The following BBS12 variants were observed in gnomAD, a reference collection of about 807,000 sequenced individuals.
BBS12 encodes the protein Bardet-Biedl syndrome 12, also known as chaperonin-containing T-complex member BBS12.
A neutral mutation model predicts 5.6 loss-of-function variants in BBS12; 5 were observed. The observed-to-expected ratio is 0.89, with a 90% CI of 0.46 to 1.86. The LOEUF is 1.86. Ranked by LOEUF, BBS12 falls within the 40% of genes most tolerant of loss-of-function variation. The pLI, the probability that BBS12 is intolerant of heterozygous loss-of-function variation, is 0.01. For missense variants in BBS12, 748 were observed against 830.4 expected, an observed-to-expected ratio of 0.90 and a Z score of 1.22; for synonymous variants, 308 against 306.8, an observed-to-expected ratio of 1.00 and a Z score of -0.04.
At position 122,739,125 on chromosome 4, in the gene BBS12, G is replaced by C. The variant is rs999171290; in HGVS notation, c.-10-2758G>C. On this transcript the variant is annotated intron_variant, in intron 1 of 1. Transcript: ENST00000314218. Reference sequence around the variant, plus strand: ...CTAGAAGCTGGAGGAAGCAAGGAAGGATTCTTCCCTTGATCCTTCAGAAGG... The same window carrying C: ...CTAGAAGCTGGAGGAAGCAAGGAAGCATTCTTCCCTTGATCCTTCAGAAGG... Among the ~76,000 whole-genome samples the C allele has an allele frequency of 3.9e-5, 6 of 152,190 alleles. No individual in the cohort carries two copies. The East Asian group carries it at 1.2e-3, about 29-fold the overall frequency.
At chr4:122,707,750 A>G in the BBS12 span, among the ~76,000 whole-genome samples, 17 of 152,060 alleles carry the variant, frequency 1.1e-4, no homozygotes, top group Non-Finnish European at 2.1e-4. Context: ...TAGAAGGCCG[A>G]CTTCTCCTGT....
At chr4:122,710,832 G>A in the BBS12 span, among the ~76,000 whole-genome samples, 4 of 151,998 alleles carry the variant, frequency 2.6e-5, no homozygotes, top group African/African-American at 9.7e-5. Flanking sequence ...TCTTCTGCTA[G>A]GTCCTACAGT....
chr4:122,714,347 G>T, the BBS12 span, among the ~76,000 whole-genome samples: 1 of 152,052 alleles, frequency 6.6e-6, no homozygotes, highest in Admixed American at 6.6e-5. Flanking sequence ...CTCAGTCTAC[G>T]GTATTTGTAT....
intron 1 of BBS12, among the ~76,000 whole-genome samples, chr4:122,734,742 G>C (rs577038798): frequency 6.6e-6 from 1 of 152,108 alleles, no homozygotes; most frequent in Non-Finnish European, 1.5e-5. Flanking sequence ...CTATGATTTA[G>C]GCTTTTATAT....
the BBS12 span, among the ~76,000 whole-genome samples, chr4:122,716,743 GTGT>G: frequency 6.7e-6 from 1 of 149,072 alleles, no homozygotes; most frequent in African/African-American, 2.5e-5. Flanking sequence ...ACACGTGTGT[GTGT>G]ATATATATAA....
At chr4:122,729,996 T>C (rs1328416381), upstream of BBS12, 1 of 152,184 alleles carries the variant, frequency 6.6e-6, no homozygotes, top group Non-Finnish European at 1.5e-5. Context: ...ACACCACCTG[T>C]CCTAGCACAG....
chr4:122,702,347 T>G, the BBS12 span, among the ~76,000 whole-genome samples: 1 of 152,208 alleles, frequency 6.6e-6, no homozygotes, highest in Non-Finnish European at 1.5e-5. Flanking sequence ...ACATGTTGCT[T>G]AACCCCCATG....
upstream of BBS12, chr4:122,732,428 A>C (rs1168663315): frequency 6.6e-6 from 1 of 152,366 alleles, no homozygotes; most frequent in Admixed American, 6.5e-5. Context: ...CCAGGTCCCC[A>C]GCCGGCAGCC....
At position 122,744,603 on chromosome 4, in the gene BBS12, G is replaced by C. The variant is rs1349042475; in HGVS notation, c.*578G>C. On this transcript the variant is annotated 3_prime_UTR_variant, in exon 2 of 2. Coordinates refer to ENST00000314218, the MANE Select transcript of BBS12 (RefSeq NM_152618.3). ...CCATAGTGGATAGTCTCTTCCAACA[G>C]TCTGCTCCTCAGCCTGAGATGTTCT... 6.0e-6 allele frequency: 1 copy of C among 167,388 alleles called. No homozygotes were observed. The highest frequency in any genetic ancestry group is 1.5e-5 in the Non-Finnish European group (1 of 68,358). The allele number at this position is 167,388 out of a possible 1,614,324, so 10.4% of individuals were successfully genotyped here. A position where few individuals can be genotyped will look rare whatever the true frequency, so the allele number is the denominator to read the frequency against.
chr4:122,711,141 C>A, the BBS12 span, among the ~76,000 whole-genome samples: 1 of 152,172 alleles, frequency 6.6e-6, no homozygotes, highest in African/African-American at 2.4e-5. Flanking sequence ...TCTCAATTCA[C>A]ATACAAGCAC....
chr4:122,724,054 G>C, the BBS12 span, among the ~76,000 whole-genome samples: 1 of 152,124 alleles, frequency 6.6e-6, no homozygotes, highest in Non-Finnish European at 1.5e-5. Context: ...CCATTCAATA[G>C]GGGAGAAGTT....
the BBS12 span, among the ~76,000 whole-genome samples, chr4:122,716,611 G>C: frequency 8.5e-6 from 1 of 118,180 alleles, no homozygotes; most frequent in Non-Finnish European, 1.8e-5. Context: ...ACACACATGT[G>C]TGTATATGCA....
rs564310553 is a variant in BBS12 at position 122,738,466 on chromosome 4, T to C, written c.-10-3417T>C. Among the ~76,000 whole-genome samples, 14 of 152,304 alleles carry C rather than the reference T, an allele frequency of 9.2e-5. No homozygotes were observed. The South Asian group carries it at 2.9e-3, about 32-fold the overall frequency. On this transcript the variant is annotated intron_variant, in intron 1 of 1. Transcript: ENST00000314218. Reference sequence around the variant, plus strand: ...ACCTCATGATCTGCCCACCTTGGCCTCCCAAAGTGCTGGGATTACAGGCGT... The same window carrying C: ...ACCTCATGATCTGCCCACCTTGGCCCCCCAAAGTGCTGGGATTACAGGCGT...
chr4:122,742,916 A>G lies in BBS12; in HGVS notation c.1024A>G (p.Asn342Asp), dbSNP rs751182253. Residue 342 changes from asparagine (N) to aspartate (D), a missense_variant, in exon 2 of 2, where the codon AAT becomes GAT. Transcript: ENST00000314218. ...ATATATCACTGTTGTGTCAGTATCT[A>G]ATAATCCTGTGATCAAGGAATTGCA... ...PGYITVVSVS[N>D]NPVIKELQNQ... The G allele has an allele frequency of 3.1e-6, 5 of 1,614,224 alleles. No homozygotes were observed. Among genetic ancestry groups the G allele is most frequent in the Non-Finnish European group, 4.2e-6 (5 of 1,180,044 alleles).
At chr4:122,709,152 T>C in the BBS12 span, among the ~76,000 whole-genome samples, 1 of 152,146 alleles carries the variant, frequency 6.6e-6, no homozygotes, top group Non-Finnish European at 1.5e-5. Flanking sequence ...ATACAATTCC[T>C]TTTTAGTGTC....
Position 122,741,930 on chromosome 4 carries a change from A to C in BBS12, c.38A>C (p.His13Pro), listed in dbSNP as rs781599750. The change falls in exon 2 of 2, where the codon CAC becomes CCC. Residue 13 changes from histidine (H) to proline (P), a missense_variant. Transcript: ENST00000314218. ...TGCAGAGTCGTAAACAAAAGAAGAC[A>C]CATGGGACTTCAACAACTTTCATCA... is the stretch of plus-strand genomic sequence containing the variant. ...MACRVVNKRR[H>P]MGLQQLSSFA... is the part of the protein sequence containing the mutation. The C allele has an allele frequency of 6.2e-7, 1 of 1,614,132 alleles. No individual in the cohort carries two copies. The highest frequency in any genetic ancestry group is 8.5e-7 in the Non-Finnish European group (1 of 1,180,010).
At chr4:122,739,977 A>G (rs56015033) in intron 1 of BBS12, among the ~76,000 whole-genome samples, 1 of 152,248 alleles carries the variant, frequency 6.6e-6, no homozygotes, top group East Asian at 1.9e-4. Context: ...GTAAGCAAAC[A>G]TTAAGAATGC....
upstream of BBS12, chr4:122,730,138 T>C (rs994888110): frequency 4.2e-4 from 64 of 152,360 alleles, no homozygotes; most frequent in African/African-American, 1.4e-3. Flanking sequence ...TATTTAATAC[T>C]TTATGTATTT....
At chr4:122,708,560 A>G in the BBS12 span, among the ~76,000 whole-genome samples, 4 of 152,226 alleles carry the variant, frequency 2.6e-5, no homozygotes, top group African/African-American at 7.2e-5. Flanking sequence ...AGCAAAAGTC[A>G]TAACAGTAGT....
Sources: allele counts gnomAD v4.1 joint callset (sites outside exome capture counted in the v4.1 genomes callset), GRCh38; gene constraint gnomAD v4.1.1; transcripts MANE v1.5; gene names NCBI Gene and HGNC (gene_info 2026-07-23, HGNC 2026-07-21).